CHST11: variants seen among roughly 807,000 people sequenced by gnomAD.
CHST11 encodes carbohydrate sulfotransferase 11.
Under a neutral mutation model 30.4 loss-of-function variants are expected in CHST11, and 9 were observed. That is an observed-to-expected ratio of 0.30 (90% CI 0.18 to 0.52). The LOEUF is 0.52. Ranked by LOEUF, CHST11 falls within the 20% of genes least tolerant of loss-of-function variation. CHST11 has a pLI of 0.97. For synonymous variants in CHST11, 152 were observed against 187.8 expected (o/e 0.81, Z 1.56); for missense variants, 348 against 460.6 (o/e 0.76, Z 2.24).
At chr12:104,587,785 ATTTATTTATTG>A (rs2136036972) in intron 1 of CHST11, among the ~76,000 whole-genome samples, 1 of 61,240 alleles carries the variant, frequency 1.6e-5, no homozygotes, top group Non-Finnish European at 3.3e-5. Flanking sequence ...TTATTTATTT[ATTTATTTATTG>A]TTTCAGACTC....
chr12:104,620,260 A>T (rs1025452861), intron 2 of CHST11, among the ~76,000 whole-genome samples: 1 of 152,216 alleles, frequency 6.6e-6, no homozygotes, highest in African/African-American at 2.4e-5. Flanking sequence ...TCAGAATCTC[A>T]GCCTCGGCTC....
intron 2 of CHST11, among the ~76,000 whole-genome samples, chr12:104,719,344 A>G (rs2136125329): frequency 1.3e-5 from 2 of 152,324 alleles, no homozygotes; most frequent in Middle Eastern, 6.8e-3. Flanking sequence ...GCTTACAAGT[A>G]GGAAATCATG....
At chr12:104,719,345 G>A (rs913759878) in intron 2 of CHST11, among the ~76,000 whole-genome samples, 2 of 152,170 alleles carry the variant, frequency 1.3e-5, no homozygotes, top group Non-Finnish European at 2.9e-5. Context: ...CTTACAAGTA[G>A]GAAATCATGT....
intron 1 of CHST11, among the ~76,000 whole-genome samples, chr12:104,536,856 C>A (rs946423546): frequency 1.3e-5 from 2 of 152,162 alleles, no homozygotes; most frequent in Non-Finnish European, 1.5e-5. Flanking sequence ...TCCTCCAGGC[C>A]GGCTTCTCTG....
intron 1 of CHST11, among the ~76,000 whole-genome samples, chr12:104,511,766 C>G (rs2037968301): frequency 6.6e-6 from 1 of 152,132 alleles, no homozygotes; most frequent in Non-Finnish European, 1.5e-5. Flanking sequence ...CTTATTAGGG[C>G]TGCTGAGAGA....
chr12:104,615,509 C>T (rs1422100714), intron 2 of CHST11, among the ~76,000 whole-genome samples: 1 of 152,216 alleles, frequency 6.6e-6, no homozygotes, highest in African/African-American at 2.4e-5. Flanking sequence ...TAGAAGTAGT[C>T]AAGAGCACAG....
At chr12:104,578,650 A>G (rs1327245511) in intron 1 of CHST11, among the ~76,000 whole-genome samples, 1 of 152,182 alleles carries the variant, frequency 6.6e-6, no homozygotes. Context: ...GTCTGATACT[A>G]TTTAGTCACT....
chr12:104,646,968 C>T (rs2039439250), intron 2 of CHST11, among the ~76,000 whole-genome samples: 1 of 152,230 alleles, frequency 6.6e-6, no homozygotes, highest in Admixed American at 6.5e-5. Flanking sequence ...AGACCAGCCA[C>T]TCATTCTGTG....
At chr12:104,745,266 A>C (rs1247539426) in intron 2 of CHST11, among the ~76,000 whole-genome samples, 2 of 151,936 alleles carry the variant, frequency 1.3e-5, no homozygotes, top group Non-Finnish European at 2.9e-5. Flanking sequence ...GTGTGGTCCT[A>C]TTTCTGGGTT....
At chr12:104,662,831 T>TA (rs1188602516) in intron 2 of CHST11, among the ~76,000 whole-genome samples, 1 of 152,224 alleles carries the variant, frequency 6.6e-6, no homozygotes, top group East Asian at 1.9e-4. Context: ...CTAATATTTT[T>TA]TATAGCTTCT....
intron 2 of CHST11, among the ~76,000 whole-genome samples, chr12:104,613,959 G>A (rs11613930): frequency 0.21 from 32,176 of 152,028 alleles, 3,855 homozygotes; most frequent in Admixed American, 0.28. Flanking sequence ...ATAAATTCTG[G>A]AGATCTAATG....
chr12:104,509,013 G>A (rs755161672), intron 1 of CHST11, among the ~76,000 whole-genome samples: 2 of 151,768 alleles, frequency 1.3e-5, no homozygotes. Flanking sequence ...TCACACCCCT[G>A]CCAGGTTATC....
intron 2 of CHST11, among the ~76,000 whole-genome samples, chr12:104,674,429 C>T (rs1021717295): frequency 2.6e-5 from 4 of 152,168 alleles, no homozygotes; most frequent in Admixed American, 6.5e-5. Context: ...TTACAATCCA[C>T]ATTTTAGAGA....
At chr12:104,672,166 C>T (rs1053752306) in intron 2 of CHST11, among the ~76,000 whole-genome samples, 10 of 152,276 alleles carry the variant, frequency 6.6e-5, no homozygotes, top group South Asian at 4.1e-4. Flanking sequence ...GTCAGGGAAG[C>T]GCGTTTTCTG....
At chr12:104,483,729 C>T (rs1342202824) in intron 1 of CHST11, among the ~76,000 whole-genome samples, 3 of 152,212 alleles carry the variant, frequency 2.0e-5, no homozygotes, top group African/African-American at 4.8e-5. Context: ...ACAAGCTCCA[C>T]GTGTACTTAT....
chr12:104,524,649 C>T (rs903667176), intron 1 of CHST11, among the ~76,000 whole-genome samples: 25 of 151,796 alleles, frequency 1.6e-4, no homozygotes, highest in African/African-American at 2.4e-4. Flanking sequence ...CATTCATCCA[C>T]CCATCCATCC....
chr12:104,717,600 C>T (rs555196040), intron 2 of CHST11, among the ~76,000 whole-genome samples: 103 of 152,196 alleles, frequency 6.8e-4, no homozygotes, highest in African/African-American at 2.2e-3. Context: ...AGTGAAACCC[C>T]GTCTTTACTA....
chr12:104,709,732 G>A (rs189770471), intron 2 of CHST11, among the ~76,000 whole-genome samples: 1 of 152,294 alleles, frequency 6.6e-6, no homozygotes, highest in African/African-American at 2.4e-5. Flanking sequence ...GAGACAGAGA[G>A]CAGGTCAATG....
At chr12:104,639,080 A>G (rs1424180086) in intron 2 of CHST11, among the ~76,000 whole-genome samples, 1 of 152,224 alleles carries the variant, frequency 6.6e-6, no homozygotes. Context: ...TCAGAATTGC[A>G]TGTGCCTTTC....
Sources: allele counts gnomAD v4.1 joint callset (sites outside exome capture counted in the v4.1 genomes callset), GRCh38; gene constraint gnomAD v4.1.1; transcripts MANE v1.5; gene names NCBI Gene and HGNC (gene_info 2026-07-23, HGNC 2026-07-21).